HS1BP3: variants seen among roughly 807,000 people sequenced by gnomAD.
HS1BP3 encodes the protein HCLS1 binding protein 3.
A neutral mutation model predicts 33.5 loss-of-function variants in HS1BP3; 32 were observed. The ratio of observed to expected loss-of-function variants is 0.95; its 90% CI spans 0.72 to 1.28. The LOEUF is 1.28. Ranked by LOEUF, HS1BP3 falls within the 50% of genes most tolerant of loss-of-function variation. The pLI, the probability that HS1BP3 is intolerant of heterozygous loss-of-function variation, is 0.00. For synonymous variants in HS1BP3, 187 were observed against 209.2 expected (o/e 0.89, Z 0.92); for missense variants, 486 against 502.3 (o/e 0.97, Z 0.31).
chr2:20,560,049 T>C (rs1692952385), downstream of HS1BP3, among the ~76,000 whole-genome samples: 1 of 152,178 alleles, frequency 6.6e-6, no homozygotes, highest in Non-Finnish European at 1.5e-5. Context: ...CCACCATACC[T>C]GCTCTCATCT....
At chr2:20,639,539 T>TA (rs1695272652) in intron 3 of HS1BP3, among the ~76,000 whole-genome samples, 1 of 152,182 alleles carries the variant, frequency 6.6e-6, no homozygotes, top group South Asian at 2.1e-4. Flanking sequence ...GTAAAGAACT[T>TA]AGAGAGTGTC....
chr2:20,601,086 T>C (rs959217070), intron 2 of HS1BP3, among the ~76,000 whole-genome samples: 4 of 152,244 alleles, frequency 2.6e-5, no homozygotes, highest in Non-Finnish European at 4.4e-5. Context: ...CATATTCTCA[T>C]GCCTTCTTGC....
intron 3 of HS1BP3, 82 bp from the exon 4 acceptor site, chr2:20,638,734 T>G: frequency 9.1e-7 from 1 of 1,099,746 alleles, no homozygotes; most frequent in Non-Finnish European, 1.3e-6. Context: ...CACCCTCCCA[T>G]GCCAGGATCT....
intron 5 of HS1BP3, among the ~76,000 whole-genome samples, chr2:20,562,398 G>A (rs916140947): frequency 1.3e-5 from 2 of 152,176 alleles, no homozygotes; most frequent in Non-Finnish European, 2.9e-5. Context: ...ATGATCACTT[G>A]AGCCCAGGAG....
chr2:20,648,145 G>A (rs966509059), intron 1 of HS1BP3, among the ~76,000 whole-genome samples: 4 of 152,182 alleles, frequency 2.6e-5, no homozygotes, highest in African/African-American at 7.2e-5. Flanking sequence ...TCGCACCATC[G>A]ATTTTCCTTC....
chr2:20,565,731 G>A (rs553608412), intron 5 of HS1BP3, among the ~76,000 whole-genome samples: 1 of 152,234 alleles, frequency 6.6e-6, no homozygotes, highest in Non-Finnish European at 1.5e-5. Context: ...AGGGAGCAGG[G>A]CTCTCCAGGG....
At chr2:20,609,964 C>T (rs1694284365) in intron 2 of HS1BP3, among the ~76,000 whole-genome samples, 1 of 152,220 alleles carries the variant, frequency 6.6e-6, no homozygotes, top group African/African-American at 2.4e-5. Context: ...AAAGGTGGGG[C>T]ATGGTCTGGG....
At chr2:20,556,560 G>A (rs892890256), downstream of HS1BP3, among the ~76,000 whole-genome samples, 1 of 152,122 alleles carries the variant, frequency 6.6e-6, no homozygotes, top group African/African-American at 2.4e-5. Context: ...TCTATAGGTC[G>A]ATTTCAACAT....
intron 2 of HS1BP3, among the ~76,000 whole-genome samples, chr2:20,608,149 G>C (rs1371852623): frequency 6.6e-6 from 1 of 151,876 alleles, no homozygotes; most frequent in African/African-American, 2.4e-5. Flanking sequence ...AGATTCTTTA[G>C]TATCAGCTAC....
At chr2:20,628,824 C>A (rs1694875967) in intron 4 of HS1BP3, among the ~76,000 whole-genome samples, 2 of 152,078 alleles carry the variant, frequency 1.3e-5, no homozygotes, top group African/African-American at 4.8e-5. Flanking sequence ...CTGAGAGTCA[C>A]ACTGTGAGGG....
intron 5 of HS1BP3, among the ~76,000 whole-genome samples, chr2:20,572,765 C>T (rs1414638547): frequency 1.3e-5 from 2 of 152,222 alleles, no homozygotes; most frequent in Non-Finnish European, 2.9e-5. Context: ...CCAGCCTGTC[C>T]TTCCCATCTG....
chr2:20,624,723 T>C lies in HS1BP3; in HGVS notation c.784+9A>G. 6.3e-7 allele frequency: 1 copy of C among 1,580,114 alleles called. No individual in the cohort carries two copies. The highest frequency in any genetic ancestry group is 8.6e-7 in the Non-Finnish European group (1 of 1,161,460). ...GGACACCAGGAGCAGACCATGGGGC[T>C]CTACTTACGGTCCACGGATGACACG... On this transcript the variant is annotated intron_variant, in intron 5 of 6. Transcript: ENST00000304031.
At chr2:20,629,772 G>A (rs1207904620) in intron 4 of HS1BP3, among the ~76,000 whole-genome samples, 2 of 152,210 alleles carry the variant, frequency 1.3e-5, no homozygotes, top group East Asian at 1.9e-4. Flanking sequence ...GCAGACAGAC[G>A]CGCAGACCAG....
At chr2:20,638,260 G>A (rs748258457) in intron 4 of HS1BP3, 176 bp downstream of exon 4, 38 of 627,110 alleles carry the variant, frequency 6.1e-5, no homozygotes, top group Admixed American at 2.3e-4. Flanking sequence ...ACACCACCAA[G>A]GGCACGCAGA....
chr2:20,618,795 C>A lies in HS1BP3; in HGVS notation c.*192G>T, dbSNP rs1161187878. Reference sequence around the variant, plus strand: ...CCTAGGGTGAGAGCCGCTCCCGCAGCCCGCAGGCTTCTACTTTGGCCCCAC... The same window carrying A: ...CCTAGGGTGAGAGCCGCTCCCGCAGACCGCAGGCTTCTACTTTGGCCCCAC... On this transcript the variant is annotated 3_prime_UTR_variant, in exon 7 of 7. Transcript: ENST00000304031. 3.6e-6 allele frequency: 5 copies of A among 1,403,698 alleles called. No individual in the cohort carries two copies. The highest frequency in any genetic ancestry group is 3.7e-6 in the Non-Finnish European group (4 of 1,084,496). 87.0% of individuals were successfully genotyped at this position (1,403,698 alleles called of 1,614,324 possible).
At chr2:20,622,085 G>A (rs1349024811) in intron 6 of HS1BP3, 1 of 780,420 alleles carries the variant, frequency 1.3e-6, no homozygotes, top group Non-Finnish European at 1.7e-6. Context: ...AAGGAACAAA[G>A]CCTTCTTAGC....
At chr2:20,644,318 A>G (rs1695452078) in intron 2 of HS1BP3, among the ~76,000 whole-genome samples, 1 of 152,112 alleles carries the variant, frequency 6.6e-6, no homozygotes, top group African/African-American at 2.4e-5. Context: ...AGAGTCCCTG[A>G]ACCCCTGGCA....
intron 5 of HS1BP3, among the ~76,000 whole-genome samples, chr2:20,576,576 T>C (rs1035106912): frequency 1.6e-4 from 25 of 152,226 alleles, no homozygotes; most frequent in Admixed American, 1.6e-3. Flanking sequence ...ACCTTCTCTC[T>C]AAAGTGGGAA....
In HS1BP3 at chr2:20,628,814, C is replaced by G. The variant is rs1216414953; in HGVS notation, c.624-3922G>C. Among the ~76,000 whole-genome samples, 5 of 152,172 alleles carry G rather than the reference C, an allele frequency of 3.3e-5. No individual in the cohort carries two copies. The South Asian group carries it at 1.0e-3, about 32-fold the overall frequency. On this transcript the variant is annotated intron_variant, in intron 4 of 6. Transcript: ENST00000304031. Reference sequence around the variant, plus strand: ...TTAAATAGCATCTTGGGTACAGGACCTGAGAGTCACACTGTGAGGGTCTGC... The same window carrying G: ...TTAAATAGCATCTTGGGTACAGGACGTGAGAGTCACACTGTGAGGGTCTGC...
Sources: gnomAD v4.1 joint callset for allele counts (sites outside exome capture counted in the v4.1 genomes callset) on GRCh38, gnomAD v4.1.1 for gene constraint, MANE v1.5 for transcripts, NCBI Gene and HGNC (gene_info 2026-07-23, HGNC 2026-07-21) for gene names.